The following DAB2IP variants were observed in gnomAD, a reference collection of about 807,000 sequenced individuals.
DAB2IP encodes DAB2 interacting protein, also known as disabled homolog 2-interacting protein.
DAB2IP carries 28 observed loss-of-function variants against 107.2 expected under a neutral mutation model. The ratio of observed to expected loss-of-function variants is 0.26; its 90% CI spans 0.19 to 0.36. The LOEUF (loss-of-function observed/expected upper bound fraction) is 0.36, where lower values mean the gene tolerates loss of function less well. Ranked by LOEUF, DAB2IP falls within the 10% of genes least tolerant of loss-of-function variation. The pLI is 1.00. For synonymous variants in DAB2IP, 755 were observed against 706.4 expected, an observed-to-expected ratio of 1.07 and a Z score of -1.09; for missense variants, 1,400 against 1,644.7, an observed-to-expected ratio of 0.85 and a Z score of 2.57.
intron 8 of DAB2IP, 144 bp from the exon 9 acceptor site, chr9:121,766,350 G>A (rs1834277618): frequency 2.8e-6 from 2 of 721,394 alleles, no homozygotes; most frequent in African/African-American, 3.5e-5. Context: ...CCAGATGGCT[G>A]TGTCCTCAGA....
At chr9:121,588,596 G>A (rs1383078430) in intron 1 of DAB2IP, among the ~76,000 whole-genome samples, 1 of 29,752 alleles carries the variant, frequency 3.4e-5, no homozygotes, top group Admixed American at 3.2e-4. Context: ...GAAGGGGGAA[G>A]GGGGAATGGG....
chr9:121,683,333 C>G (rs1828691082), intron 2 of DAB2IP, among the ~76,000 whole-genome samples: 1 of 152,172 alleles, frequency 6.6e-6, no homozygotes, highest in Non-Finnish European at 1.5e-5. Flanking sequence ...GCTCCCTTCC[C>G]CAGCCCCAAA....
intron 1 of DAB2IP, among the ~76,000 whole-genome samples, chr9:121,642,021 C>CTT (rs1554718274): frequency 4.0e-4 from 5 of 12,490 alleles, no homozygotes; most frequent in South Asian, 4.7e-3. Flanking sequence ...CTCTCTCTCT[C>CTT]TCTCTCTCTC....
intron 1 of DAB2IP, among the ~76,000 whole-genome samples, chr9:121,614,032 C>A (rs1325394783): frequency 6.6e-6 from 1 of 152,150 alleles, no homozygotes; most frequent in Non-Finnish European, 1.5e-5. Flanking sequence ...GCTTCAGATC[C>A]CTGCCCTGCC....
At chr9:121,588,970 A>AC (rs1350544961) in intron 1 of DAB2IP, among the ~76,000 whole-genome samples, 6 of 150,418 alleles carry the variant, frequency 4.0e-5, no homozygotes, top group Non-Finnish European at 1.5e-5. Context: ...CACACCCCCT[A>AC]CCCCCCACCA....
At chr9:121,758,866 C>T in intron 4 of DAB2IP, 32 bp from the exon 5 acceptor site, 1 of 1,599,768 alleles carries the variant, frequency 6.3e-7, no homozygotes, top group African/African-American at 1.3e-5. Flanking sequence ...TGGTCCCTTC[C>T]CTCATAACAC....
chr9:121,781,347 A>G lies in DAB2IP; in HGVS notation c.3315-117A>G. 3.0e-6 allele frequency: 3 copies of G among 988,540 alleles called. No homozygotes were observed. The Admixed American group carries it at 5.7e-5, about 19-fold the overall frequency. 61.2% of individuals were successfully genotyped at this position (988,540 alleles called of 1,614,324 possible). On this transcript the variant is annotated intron_variant, in intron 14 of 15. Coordinates refer to ENST00000408936, the Ensembl canonical transcript of DAB2IP. ...GTATGGGAGGCAAGTCTCTGACCCA[A>G]GGAGGGGCTCTCCTAGTGTGTCCCT... is the stretch of plus-strand genomic sequence containing the variant.
chr9:121,773,453 G>A, exon 12 of DAB2IP: 2 of 1,538,804 alleles, frequency 1.3e-6, no homozygotes, highest in African/African-American at 1.4e-5. Flanking sequence ...CTTCCTCCAA[G>A]GGGGACAGCC....
chr9:121,699,500 C>T lies in DAB2IP; in HGVS notation c.362+42C>T, dbSNP rs1054799963. ...CGCCCGGTCCCCCGCGCCGCCGCCCCGGGCTGCGCCCCTGAGGACGCGGGG... is the reference window on the plus strand; with the variant it reads ...CGCCCGGTCCCCCGCGCCGCCGCCCTGGGCTGCGCCCCTGAGGACGCGGGG... On this transcript the variant is annotated intron_variant, in intron 3 of 15. Coordinates refer to ENST00000408936, the Ensembl canonical transcript of DAB2IP. The surrounding 1 kb of genome is among the most constrained non-coding windows in gnomAD (Gnocchi z 6.2). The T allele has an allele frequency of 7.3e-6, 9 of 1,234,050 alleles. No homozygotes were observed. The highest frequency in any genetic ancestry group is 9.1e-6 in the Non-Finnish European group (9 of 986,082). 76.4% of individuals were successfully genotyped at this position (1,234,050 alleles called of 1,614,324 possible). A position where few individuals can be genotyped will look rare whatever the true frequency, so the allele number is the denominator to read the frequency against.
At position 121,782,570 on chromosome 9, in the gene DAB2IP, G is replaced by T. The variant is rs1003920284; in HGVS notation, c.*72G>T. ...TGGCCAAGGGCAGGGTCTCGGCCTG[G>T]GGAGGCACCCACGGTTGCAGCCCCA... On this transcript the variant is annotated 3_prime_UTR_variant, in exon 16 of 16. Transcript: ENST00000408936. This position sits in a 1 kb window ranked among gnomAD's most constrained non-coding sequence, Gnocchi z 6.1. The T allele has an allele frequency of 3.9e-4, 613 of 1,570,882 alleles. 2 individuals are homozygous for T. The highest frequency in any genetic ancestry group is 6.5e-5 in the Non-Finnish European group (75 of 1,154,372).
intron 3 of DAB2IP, among the ~76,000 whole-genome samples, chr9:121,744,099 G>A (rs937419560): frequency 1.3e-5 from 2 of 152,232 alleles, no homozygotes; most frequent in African/African-American, 4.8e-5. Context: ...TCTGAGCTGA[G>A]GAGCTTGGCC....
At chr9:121,713,199 G>C (rs577754932) in intron 3 of DAB2IP, among the ~76,000 whole-genome samples, 7 of 152,368 alleles carry the variant, frequency 4.6e-5, no homozygotes, top group African/African-American at 1.4e-4. Flanking sequence ...GGCACATAGA[G>C]TTGATATTTA....
Position 121,701,804 on chromosome 9 carries a change from G to A in DAB2IP, c.362+2346G>A, listed in dbSNP as rs1421887766. Reference sequence around the variant, plus strand: ...TGGCCAAACCTGGATGAGTGGAGCAGTGCCTCTCCCTGCTCTGATGTGGTG... The same window carrying A: ...TGGCCAAACCTGGATGAGTGGAGCAATGCCTCTCCCTGCTCTGATGTGGTG... On this transcript the variant is annotated intron_variant, in intron 3 of 15. Transcript: ENST00000408936. The surrounding 1 kb of genome is among the most constrained non-coding windows in gnomAD (Gnocchi z 4.7). Among the ~76,000 whole-genome samples the A allele has an allele frequency of 6.6e-6, 1 of 152,218 alleles. No individual in the cohort carries two copies. The highest frequency in any genetic ancestry group is 1.5e-5 in the Non-Finnish European group (1 of 68,050).
chr9:121,616,443 G>A (rs899444785), intron 1 of DAB2IP, among the ~76,000 whole-genome samples: 4 of 152,202 alleles, frequency 2.6e-5, no homozygotes, highest in African/African-American at 9.6e-5. Flanking sequence ...TTTCTTAGGG[G>A]AAGGTGTGGG....
intron 12 of DAB2IP, among the ~76,000 whole-genome samples, chr9:121,774,052 C>G (rs1241843729): frequency 1.3e-5 from 2 of 152,190 alleles, no homozygotes; most frequent in Non-Finnish European, 2.9e-5. Context: ...CAGGAGGCCA[C>G]CTGGCACCTG....
In DAB2IP at chr9:121,730,890, A is replaced by G. The variant is rs149950278; in HGVS notation, c.363-26123A>G. 6.6e-5 allele frequency among the ~76,000 whole-genome samples: 10 copies of G among 152,280 alleles called. No individual in the cohort carries two copies. In the East Asian group the frequency reaches 1.9e-3, roughly 29 times the overall value. On this transcript the variant is annotated intron_variant, in intron 3 of 15. Transcript: ENST00000408936. ...CATGCCAGCAGCCTGCCCAGGGTTA[A>G]CCCTCCTGGCAATGAGAAGTGTGCA...
At chr9:121,567,360 C>G in intron 1 of DAB2IP, 1 of 1,383,748 alleles carries the variant, frequency 7.2e-7, no homozygotes, top group Non-Finnish European at 1.0e-6. Context: ...GTCTTGGGAC[C>G]CATGGGTGGG....
In DAB2IP at chr9:121,782,882, G is replaced by A; in HGVS notation, c.*384G>A. On this transcript the variant is annotated 3_prime_UTR_variant, in exon 16 of 16. Transcript: ENST00000408936. The surrounding 1 kb of genome is among the most constrained non-coding windows in gnomAD (Gnocchi z 6.1). ...GTGCCAGGGAGGGGGCTTCCTGGAG[G>A]GGGGATTCAAGGGCTAGGGGCCTAC... 9.6e-7 allele frequency: 1 copy of A among 1,045,514 alleles called. No homozygotes were observed. Among genetic ancestry groups the A allele is most frequent in the Non-Finnish European group, 1.2e-6 (1 of 868,200 alleles). 64.8% of individuals were successfully genotyped at this position (1,045,514 alleles called of 1,614,324 possible). A position where few individuals can be genotyped will look rare whatever the true frequency, so the allele number is the denominator to read the frequency against.
At chr9:121,608,167 G>A (rs1414402958) in intron 1 of DAB2IP, among the ~76,000 whole-genome samples, 1 of 152,222 alleles carries the variant, frequency 6.6e-6, no homozygotes, top group Non-Finnish European at 1.5e-5. Context: ...GCTGTGCAGA[G>A]CCCTATGGCT....
Sources: allele counts gnomAD v4.1 joint callset (sites outside exome capture counted in the v4.1 genomes callset), GRCh38; gene constraint gnomAD v4.1.1; non-coding constraint Gnocchi (gnomAD v3.1); transcripts MANE v1.5; gene names NCBI Gene and HGNC (gene_info 2026-07-23, HGNC 2026-07-21).